UCN3: variants seen among roughly 807,000 people sequenced by gnomAD.
UCN3 encodes urocortin-3.
A neutral mutation model predicts 3.6 loss-of-function variants in UCN3; 3 were observed. That is an observed-to-expected ratio of 0.83 (90% confidence interval 0.38 to 2.15). The LOEUF is 2.15. Among genes scored for constraint, UCN3 ranks in the 30% most tolerant of loss-of-function variants. The probability of loss-of-function intolerance (pLI) is 0.06; values close to 1 mark genes in which losing one functional copy is unlikely to be tolerated. For missense variants in UCN3, 206 were observed against 208.3 expected (o/e 0.99, Z 0.07); for synonymous variants, 100 against 93.2 (o/e 1.07, Z -0.42).
Position 5,374,052 on chromosome 10 carries a change from C to T in UCN3, c.332C>T (p.Thr111Met), listed in dbSNP as rs200238807. ...AQPRGKPRQD[T>M]AKSPHRTKFT... ...CCCAGGGGAAAGCCACGCCAGGACA[C>T]GGCCAAGAGTCCCCACCGCACCAAG... The change falls in exon 2 of 2, where the codon ACG (threonine) becomes ATG (methionine). Residue 111 changes from threonine (T) to methionine (M), a missense_variant. Thr to Met is a moderately conservative substitution (Grantham distance 81). Coordinates refer to ENST00000380433, the MANE Select transcript of UCN3 (RefSeq NM_053049.4). 6.4e-5 allele frequency: 104 copies of T among 1,613,100 alleles called. No homozygotes were observed. Among genetic ancestry groups the T allele is most frequent in the Middle Eastern group, 3.3e-4 (2 of 6,060 alleles).
intron 1 of UCN3, among the ~76,000 whole-genome samples, chr10:5,368,621 A>G (rs1831287857): frequency 6.6e-6 from 1 of 152,194 alleles, no homozygotes; most frequent in Non-Finnish European, 1.5e-5. Flanking sequence ...TCCCCCCAGT[A>G]TTAACCTTTC....
intron 1 of UCN3, among the ~76,000 whole-genome samples, chr10:5,370,455 GTATA>G (rs781819887): frequency 3.3e-5 from 3 of 90,940 alleles, no homozygotes; most frequent in Admixed American, 1.4e-4. Context: ...ATGTGTGTGT[GTATA>G]TGTGTGTATA....
intron 1 of UCN3, among the ~76,000 whole-genome samples, chr10:5,370,097 ATATGCGTGTGTATATGTGTGTG>A (rs1564442346): frequency 3.3e-5 from 2 of 59,898 alleles, no homozygotes; most frequent in African/African-American, 1.5e-4. Context: ...ATGCGTGTGT[ATATGCGTGTGTATATGTGTGTG>A]TATGTGTGTG....
chr10:5,370,788 TGTATGCGTGTGTA>T (rs1831396238), intron 1 of UCN3, among the ~76,000 whole-genome samples: 6 of 145,502 alleles, frequency 4.1e-5, no homozygotes, highest in Non-Finnish European at 5.9e-5. Context: ...CGTGTGTGTG[TGTATGCGTGTGTA>T]TATGTGTGTG....
intron 1 of UCN3, among the ~76,000 whole-genome samples, chr10:5,371,128 T>C (rs935431115): frequency 2.6e-5 from 4 of 151,308 alleles, no homozygotes; most frequent in Admixed American, 6.6e-5. Flanking sequence ...GTGAGGTATG[T>C]ATGTGTGTGC....
rs1203265083 is a variant in UCN3 at position 5,370,851 on chromosome 10, G to A, written c.-6-2864G>A. Among the ~76,000 whole-genome samples the A allele has an allele frequency of 5.7e-4, 17 of 29,602 alleles. 1 individual carries two copies. Among genetic ancestry groups the A allele is most frequent in the East Asian group, 1.8e-3 (2 of 1,114 alleles). The allele number at this position is 29,602 out of a possible 152,430, so 19.4% of individuals were successfully genotyped here. A position where few individuals can be genotyped will look rare whatever the true frequency, so the allele number is the denominator to read the frequency against. On this transcript the variant is annotated intron_variant, in intron 1 of 1. Coordinates refer to ENST00000380433, the MANE Select transcript of UCN3 (RefSeq NM_053049.4). Reference sequence around the variant, plus strand: ...CGCGTGTGTGTGCGCGTGTGTGTGCGCGTGTGTGTGCGTGTGTATGTGTGT... The same window carrying A: ...CGCGTGTGTGTGCGCGTGTGTGTGCACGTGTGTGTGCGTGTGTATGTGTGT...
Position 5,370,673 on chromosome 10 carries a change from GTATGTGTGTGTGTATGTGTGTA to G in UCN3, c.-6-3030_-6-3009del, listed in dbSNP as rs1831384805. Among the ~76,000 whole-genome samples the G allele has an allele frequency of 9.1e-5, 8 of 87,834 alleles. No homozygotes were observed. The East Asian group carries it at 2.3e-3, about 26-fold the overall frequency. 57.6% of individuals were successfully genotyped at this position (87,834 alleles called of 152,430 possible). A position where few individuals can be genotyped will look rare whatever the true frequency, so the allele number is the denominator to read the frequency against. ...TGTGTGTATGTGTGTGTATGTGTGT[GTATGTGTGTGTGTATGTGTGTA>G]TATGTGTGTGTATATGATGTGTGTG... On this transcript the variant is annotated intron_variant, in intron 1 of 1. Transcript: ENST00000380433.
chr10:5,370,199 ATATGCGTGTG>A (rs1390791564), intron 1 of UCN3, among the ~76,000 whole-genome samples: 4 of 26,510 alleles, frequency 1.5e-4, no homozygotes, highest in Admixed American at 3.8e-4. Context: ...ATGCGTGTGT[ATATGCGTGTG>A]TATGTGTGTG....
At chr10:5,372,805 T>G (rs1421182262) in intron 1 of UCN3, among the ~76,000 whole-genome samples, 7 of 147,972 alleles carry the variant, frequency 4.7e-5, no homozygotes, top group African/African-American at 1.7e-4. Flanking sequence ...TCCTCCCACC[T>G]CGGCATCCCA....
At chr10:5,371,071 GGTGT>G (rs1369624418) in intron 1 of UCN3, among the ~76,000 whole-genome samples, 14 of 148,796 alleles carry the variant, frequency 9.4e-5, no homozygotes, top group African/African-American at 2.8e-4. Context: ...GTACGTGTGA[GGTGT>G]GTATGTGTGT....
chr10:5,366,335 T>C lies in UCN3; in HGVS notation c.-7+1105T>C, dbSNP rs1045378457. On this transcript the variant is annotated intron_variant, in intron 1 of 1. Coordinates refer to ENST00000380433, the MANE Select transcript of UCN3 (RefSeq NM_053049.4). The surrounding 1 kb of genome is among the most constrained non-coding windows in gnomAD (Gnocchi z 4.2). ...TGAGTTTCAGGCACCCAGAGAAAAA[T>C]ACAGGTGTAGAGCTTTGCCCCTCAA... 4.6e-5 allele frequency among the ~76,000 whole-genome samples: 7 copies of C among 152,158 alleles called. No individual in the cohort carries two copies. Among genetic ancestry groups the C allele is most frequent in the Admixed American group, 3.9e-4 (6 of 15,274 alleles).
intron 1 of UCN3, among the ~76,000 whole-genome samples, chr10:5,371,762 G>C (rs756856732): frequency 6.6e-6 from 1 of 152,204 alleles, no homozygotes; most frequent in Non-Finnish European, 1.5e-5. Context: ...GAAGGCCCAG[G>C]CGAATCACCA....
At chr10:5,370,354 T>TGTGTATATTC (rs1831357877) in intron 1 of UCN3, among the ~76,000 whole-genome samples, 1 of 21,954 alleles carries the variant, frequency 4.6e-5, no homozygotes, top group Non-Finnish European at 8.7e-5. Flanking sequence ...TGTGTATATG[T>TGTGTATATTC]GTGTGTATAT....
intron 1 of UCN3, among the ~76,000 whole-genome samples, chr10:5,371,050 T>G (rs1331434757): frequency 2.7e-5 from 4 of 150,922 alleles, no homozygotes; most frequent in African/African-American, 9.9e-5. Context: ...TATGTATGTG[T>G]GTGTATGTAT....
At chr10:5,373,231 C>T (rs1162836415) in intron 1 of UCN3, among the ~76,000 whole-genome samples, 3 of 152,332 alleles carry the variant, frequency 2.0e-5, no homozygotes, top group East Asian at 1.9e-4. Context: ...ATTGACTAGA[C>T]GCCCAGCCAT....
chr10:5,365,412 A>C lies in UCN3; in HGVS notation c.-7+182A>C, dbSNP rs1336932239. ...AGCAGAAATCAGCCCCAAAGGGACC[A>C]GGGGAAGTTTCTCAGGGAGGCACAA... On this transcript the variant is annotated intron_variant, in intron 1 of 1. Transcript: ENST00000380433. The surrounding 1 kb of genome is among the most constrained non-coding windows in gnomAD (Gnocchi z 4.4). Among the ~76,000 whole-genome samples, 1 of 152,232 alleles carries C rather than the reference A, an allele frequency of 6.6e-6. No individual in the cohort carries two copies. The highest frequency in any genetic ancestry group is 1.5e-5 in the Non-Finnish European group (1 of 68,038).
chr10:5,370,783 G>GTATA lies in UCN3; in HGVS notation c.-6-2931_-6-2930insATAT, dbSNP rs782148137. 2.9e-3 allele frequency among the ~76,000 whole-genome samples: 404 copies of GTATA among 140,846 alleles called. 17 individuals are homozygous for GTATA. The highest frequency in any genetic ancestry group is 0.013 in the South Asian group (55 of 4,098). The allele number at this position is 140,846 out of a possible 152,430, so 92.4% of individuals were successfully genotyped here. The stretch of plus-strand genomic sequence containing the variant: ...TGTATATGCGTGTGTATATGCGTGT[G>GTATA]TGTGTGTATGCGTGTGTATATGTGT... On this transcript the variant is annotated intron_variant, in intron 1 of 1. Coordinates refer to ENST00000380433, the MANE Select transcript of UCN3 (RefSeq NM_053049.4).
chr10:5,370,345 G>C (rs1831356959), intron 1 of UCN3, among the ~76,000 whole-genome samples: 1 of 71,808 alleles, frequency 1.4e-5, no homozygotes. Context: ...GTATATGCGT[G>C]TGTATATGTG....
chr10:5,372,829 A>G lies in UCN3; in HGVS notation c.-6-886A>G, dbSNP rs186008487. On this transcript the variant is annotated intron_variant, in intron 1 of 1. Coordinates refer to ENST00000380433, the MANE Select transcript of UCN3 (RefSeq NM_053049.4). Reference sequence around the variant, plus strand: ...CTCGGCATCCCACAGTGCTGGGATTACAGGTGTGAGCCACCGTGCCTGGCC... The same window carrying G: ...CTCGGCATCCCACAGTGCTGGGATTGCAGGTGTGAGCCACCGTGCCTGGCC... Among the ~76,000 whole-genome samples, 70 of 150,932 alleles carry G rather than the reference A, an allele frequency of 4.6e-4. 1 individual carries two copies. The highest frequency in any genetic ancestry group is 4.2e-3 in the Admixed American group (63 of 15,074).
Sources: allele counts gnomAD v4.1 joint callset (sites outside exome capture counted in the v4.1 genomes callset), GRCh38; gene constraint gnomAD v4.1.1; non-coding constraint Gnocchi (gnomAD v3.1); transcripts MANE v1.5; gene names NCBI Gene and HGNC (gene_info 2026-07-23, HGNC 2026-07-21).